Variants in CARMIL1 observed in about 807,000 individuals in gnomAD.
CARMIL1 encodes the protein F-actin-uncapping protein LRRC16A.
A neutral mutation model predicts 177.1 loss-of-function variants in CARMIL1; 90 were observed. The observed-to-expected ratio is 0.51, with a 90% CI of 0.43 to 0.61. CARMIL1 has a LOEUF of 0.61. CARMIL1 is among the 20% of genes least tolerant of loss of function. CARMIL1 has a pLI of 0.00. For missense variants in CARMIL1, 1,380 were observed against 1,667.0 expected, an observed-to-expected ratio of 0.83 and a Z score of 3.00; for synonymous variants, 577 against 606.2, an observed-to-expected ratio of 0.95 and a Z score of 0.71.
intron 2 of CARMIL1, among the ~76,000 whole-genome samples, chr6:25,323,322 G>A (rs976656222): frequency 1.3e-5 from 2 of 150,660 alleles, no homozygotes; most frequent in African/African-American, 4.9e-5. Context: ...AGTGGCTCAC[G>A]CCTGTAATCC....
At chr6:25,398,376 A>C (rs1006538192) in intron 2 of CARMIL1, among the ~76,000 whole-genome samples, 6 of 152,246 alleles carry the variant, frequency 3.9e-5, no homozygotes, top group African/African-American at 1.4e-4. Flanking sequence ...CAAGTATATT[A>C]AAGTAATGGA....
At chr6:25,518,246 C>A (rs1806205105) in intron 22 of CARMIL1, among the ~76,000 whole-genome samples, 1 of 152,192 alleles carries the variant, frequency 6.6e-6, no homozygotes, top group African/African-American at 2.4e-5. Flanking sequence ...TGGTACAACC[C>A]TAGACTGGGA....
intron 23 of CARMIL1, among the ~76,000 whole-genome samples, chr6:25,525,125 A>G (rs960697908): frequency 5.3e-5 from 8 of 152,182 alleles, no homozygotes; most frequent in African/African-American, 1.7e-4. Flanking sequence ...ACAAATCCAG[A>G]AAGCTCAGAG....
chr6:25,449,675 TA>T (rs1367866800), intron 5 of CARMIL1, among the ~76,000 whole-genome samples: 2 of 152,258 alleles, frequency 1.3e-5, no homozygotes, highest in Non-Finnish European at 2.9e-5. Flanking sequence ...ACTGCATTGC[TA>T]AATACCTTTC....
intron 5 of CARMIL1, among the ~76,000 whole-genome samples, chr6:25,446,874 T>C (rs1010504970): frequency 6.6e-6 from 1 of 152,136 alleles, no homozygotes; most frequent in African/African-American, 2.4e-5. Flanking sequence ...TCTCAAGTAA[T>C]GGGCTTGGTG....
chr6:25,503,326 T>C (rs1321419868), intron 17 of CARMIL1, among the ~76,000 whole-genome samples: 2 of 152,242 alleles, frequency 1.3e-5, no homozygotes, highest in African/African-American at 4.8e-5. Flanking sequence ...TGTTGATGCA[T>C]GAAAGTTGGT....
At chr6:25,300,646 C>T (rs1782785758) in intron 2 of CARMIL1, among the ~76,000 whole-genome samples, 1 of 152,198 alleles carries the variant, frequency 6.6e-6, no homozygotes, top group Non-Finnish European at 1.5e-5. Flanking sequence ...GAAACTTTTC[C>T]TCAAAACCAA....
intron 2 of CARMIL1, among the ~76,000 whole-genome samples, chr6:25,290,621 A>G (rs1781875481): frequency 2.6e-5 from 4 of 152,110 alleles, no homozygotes; most frequent in South Asian, 4.2e-4. Context: ...TTCTTCTTCC[A>G]CACCCTTTGT....
intron 2 of CARMIL1, among the ~76,000 whole-genome samples, chr6:25,344,617 A>C (rs1312416409): frequency 6.6e-6 from 1 of 151,366 alleles, no homozygotes; most frequent in South Asian, 2.1e-4. Context: ...CATTCCCACC[A>C]CTCTCTCAGA....
At chr6:25,362,686 A>G (rs539346850) in intron 2 of CARMIL1, among the ~76,000 whole-genome samples, 21 of 152,174 alleles carry the variant, frequency 1.4e-4, no homozygotes, top group Admixed American at 3.9e-4. Flanking sequence ...AAAACAAAAC[A>G]AAACAAAAAA....
intron 2 of CARMIL1, among the ~76,000 whole-genome samples, chr6:25,332,862 C>T (rs5009711): frequency 0.14 from 20,519 of 151,982 alleles, 1,427 homozygotes; most frequent in Middle Eastern, 0.19. Context: ...TCTTCAGCCA[C>T]AAAAGACCTG....
chr6:25,450,025 A>T, intron 6 of CARMIL1, 30 bp downstream of exon 6: 1 of 1,535,470 alleles, frequency 6.5e-7, no homozygotes, highest in Non-Finnish European at 8.9e-7. Flanking sequence ...CTGAAATGTG[A>T]ATAGCTGGAT....
chr6:25,581,124 G>A, intron 30 of CARMIL1, 119 bp from the exon 31 acceptor site: 1 of 1,263,842 alleles, frequency 7.9e-7, no homozygotes, highest in Non-Finnish European at 1.1e-6. Flanking sequence ...AGTGATCTGT[G>A]AATGTGTGTT....
At chr6:25,563,947 G>T (rs944766683) in intron 29 of CARMIL1, 5 of 828,788 alleles carry the variant, frequency 6.0e-6, no homozygotes, top group Non-Finnish European at 7.3e-6. Context: ...CAGTATAATG[G>T]TTGCAACCAG....
At chr6:25,317,951 A>C (rs1024971351) in intron 2 of CARMIL1, among the ~76,000 whole-genome samples, 2 of 152,168 alleles carry the variant, frequency 1.3e-5, no homozygotes, top group African/African-American at 4.8e-5. Flanking sequence ...AGTCATCTCA[A>C]ATTCCTTTTG....
chr6:25,316,718 T>A (rs986278258), intron 2 of CARMIL1, among the ~76,000 whole-genome samples: 1 of 152,074 alleles, frequency 6.6e-6, no homozygotes, highest in Non-Finnish European at 1.5e-5. Context: ...CCATTATTAT[T>A]ATAATTTTTT....
At chr6:25,325,878 C>CT (rs997275634) in intron 2 of CARMIL1, among the ~76,000 whole-genome samples, 30 of 149,098 alleles carry the variant, frequency 2.0e-4, no homozygotes, top group South Asian at 1.1e-3. Flanking sequence ...TCAGATGAGA[C>CT]TTTTTTTTTT....
At chr6:25,425,962 T>A (rs575158967) in intron 3 of CARMIL1, among the ~76,000 whole-genome samples, 1 of 152,056 alleles carries the variant, frequency 6.6e-6, no homozygotes, top group Non-Finnish European at 1.5e-5. Context: ...GTGGTCAGAG[T>A]GTAACAAATA....
chr6:25,587,116 A>G (rs1456299468), intron 31 of CARMIL1, among the ~76,000 whole-genome samples: 7 of 152,246 alleles, frequency 4.6e-5, no homozygotes, highest in Middle Eastern at 3.4e-3. Context: ...TTAACCTTAG[A>G]TCAAACCACA....
Sources: allele counts gnomAD v4.1 joint callset (sites outside exome capture counted in the v4.1 genomes callset), GRCh38; gene constraint gnomAD v4.1.1; transcripts MANE v1.5; gene names NCBI Gene and HGNC (gene_info 2026-07-23, HGNC 2026-07-21).